Variants in CHST9 observed in about 807,000 individuals in gnomAD.
CHST9 encodes carbohydrate sulfotransferase 9.
Under a neutral mutation model 44.4 loss-of-function variants are expected in CHST9, and 41 were observed. The observed-to-expected ratio is 0.92, with a 90% CI of 0.72 to 1.20. The LOEUF (loss-of-function observed/expected upper bound fraction) is 1.20. Among genes scored for constraint, CHST9 ranks in the 50% most tolerant of loss-of-function variants. The pLI, the probability that CHST9 is intolerant of heterozygous loss-of-function variation, is 0.00. For missense variants in CHST9, 504 were observed against 516.5 expected (o/e 0.98, Z 0.23); for synonymous variants, 171 against 178.4 (o/e 0.96, Z 0.33).
chr18:26,934,369 G>T (rs1775410642), intron 5 of CHST9: 1 of 151,832 alleles, frequency 6.6e-6, no homozygotes, highest in African/African-American at 2.4e-5. Flanking sequence ...CGAGTAGCTG[G>T]GACTACAGGC....
At chr18:26,965,926 G>C (rs1307911272) in intron 4 of CHST9, among the ~76,000 whole-genome samples, 1 of 152,146 alleles carries the variant, frequency 6.6e-6, no homozygotes, top group African/African-American at 2.4e-5. Flanking sequence ...AAACCCTTTG[G>C]AACCCTGACT....
intron 3 of CHST9, among the ~76,000 whole-genome samples, chr18:27,042,798 CCT>C (rs200302790): frequency 6.6e-6 from 1 of 150,792 alleles, no homozygotes; most frequent in Non-Finnish European, 1.5e-5. Context: ...TCCCTCCCTC[CCT>C]CTCTCTCTCT....
At chr18:27,151,909 A>G (rs940582970) in intron 1 of CHST9, among the ~76,000 whole-genome samples, 5 of 152,232 alleles carry the variant, frequency 3.3e-5, no homozygotes, top group African/African-American at 1.2e-4. Flanking sequence ...ATAATCTGTT[A>G]TAGCAGCAAA....
At chr18:27,038,840 T>C (rs2057416484) in intron 3 of CHST9, among the ~76,000 whole-genome samples, 1 of 152,192 alleles carries the variant, frequency 6.6e-6, no homozygotes, top group Admixed American at 6.5e-5. Flanking sequence ...ATCTAATGAA[T>C]AATTTCTTAT....
intron 2 of CHST9, among the ~76,000 whole-genome samples, chr18:27,055,804 G>A (rs560768717): frequency 3.3e-5 from 5 of 152,166 alleles, no homozygotes; most frequent in South Asian, 4.2e-4. Flanking sequence ...ATAACAAAAG[G>A]AACACGGATT....
intron 2 of CHST9, among the ~76,000 whole-genome samples, chr18:27,095,328 G>A (rs539989558): frequency 5.3e-5 from 8 of 152,138 alleles, no homozygotes; most frequent in Middle Eastern, 3.4e-3. Context: ...TGATGCTACC[G>A]TAAAGACACA....
At chr18:27,044,861 ATCCTGAATGACTGCATGT>A (rs1043084231) in intron 3 of CHST9, among the ~76,000 whole-genome samples, 2 of 151,908 alleles carry the variant, frequency 1.3e-5, no homozygotes, top group African/African-American at 4.8e-5. Flanking sequence ...TATTTTTTTT[ATCCTGAATGACTGCATGT>A]TCAACGTGTG....
Position 26,975,723 on chromosome 18 carries a change from G to GTATA in CHST9, c.203-31358_203-31357insTATA, listed in dbSNP as rs1180630852. ...TATGTGTATATATGTGTGTGTGTGT[G>GTATA]TGTATATATATATATATATATATAT... is the stretch of plus-strand genomic sequence containing the variant. On this transcript the variant is annotated intron_variant, in intron 4 of 5. Coordinates refer to ENST00000618847, the MANE Select transcript of CHST9 (RefSeq NM_031422.6). Among the ~76,000 whole-genome samples, 388 of 59,186 alleles carry GTATA rather than the reference G, an allele frequency of 6.6e-3. 1 individual carries two copies. Among genetic ancestry groups the GTATA allele is most frequent in the Middle Eastern group, 0.018 (2 of 114 alleles). 38.8% of individuals were successfully genotyped at this position (59,186 alleles called of 152,430 possible). A position where few individuals can be genotyped will look rare whatever the true frequency, so the allele number is the denominator to read the frequency against.
chr18:27,080,961 T>G, intron 2 of CHST9, among the ~76,000 whole-genome samples: 1 of 151,910 alleles, frequency 6.6e-6, no homozygotes, highest in East Asian at 1.9e-4. Context: ...AGAAGAAAAA[T>G]CAGAGTTATG....
At chr18:26,987,512 C>T (rs1409629658) in intron 4 of CHST9, among the ~76,000 whole-genome samples, 1 of 151,810 alleles carries the variant, frequency 6.6e-6, no homozygotes, top group Non-Finnish European at 1.5e-5. Context: ...ATTGACTAAG[C>T]AAAAATAATA....
chr18:27,092,499 G>A (rs2143721247), intron 2 of CHST9, among the ~76,000 whole-genome samples: 1 of 152,136 alleles, frequency 6.6e-6, no homozygotes. Flanking sequence ...TTTTGAATGT[G>A]TTTGCGCTTG....
chr18:27,080,333 CCTCTT>C (rs1421034776), intron 2 of CHST9, among the ~76,000 whole-genome samples: 1 of 151,802 alleles, frequency 6.6e-6, no homozygotes, highest in Non-Finnish European at 1.5e-5. Flanking sequence ...GCCATTTCCT[CCTCTT>C]CTACTTGGTT....
At chr18:27,062,831 T>C (rs1002557690) in intron 2 of CHST9, among the ~76,000 whole-genome samples, 37 of 152,360 alleles carry the variant, frequency 2.4e-4, no homozygotes, top group African/African-American at 7.7e-4. Context: ...TGTTGTTTCC[T>C]GACTTTTTAA....
chr18:27,164,131 G>C (rs949767007), intron 1 of CHST9, among the ~76,000 whole-genome samples: 9 of 152,206 alleles, frequency 5.9e-5, no homozygotes, highest in African/African-American at 2.2e-4. Context: ...AAGAGGGAAG[G>C]CAAGAGAGAA....
intron 2 of CHST9, among the ~76,000 whole-genome samples, chr18:27,079,448 GA>G (rs2057939730): frequency 6.6e-6 from 1 of 152,012 alleles, no homozygotes; most frequent in African/African-American, 2.4e-5. Context: ...CCTCTTTGAT[GA>G]TATAATATTT....
intron 2 of CHST9, among the ~76,000 whole-genome samples, chr18:27,129,808 G>C (rs892554752): frequency 3.9e-5 from 6 of 152,080 alleles, no homozygotes; most frequent in Admixed American, 1.3e-4. Flanking sequence ...TGGTACAGTA[G>C]TAAGTTCTCA....
intron 5 of CHST9, among the ~76,000 whole-genome samples, chr18:26,930,051 T>C (rs2055848936): frequency 2.0e-5 from 3 of 152,232 alleles, no homozygotes; most frequent in African/African-American, 4.8e-5. Context: ...CCAGATCAGA[T>C]TGGCCTGTGT....
At chr18:27,158,584 T>C (rs2058717520) in intron 1 of CHST9, among the ~76,000 whole-genome samples, 1 of 152,168 alleles carries the variant, frequency 6.6e-6, no homozygotes, top group South Asian at 2.1e-4. Context: ...CGTGTCTTTA[T>C]AGCAGCATGA....
chr18:27,026,441 T>A (rs1489532118), intron 3 of CHST9, among the ~76,000 whole-genome samples: 1 of 152,196 alleles, frequency 6.6e-6, no homozygotes, highest in Non-Finnish European at 1.5e-5. Context: ...AAGCATCGAT[T>A]AAATGATAGG....
Sources: gnomAD v4.1 joint callset for allele counts (sites outside exome capture counted in the v4.1 genomes callset) on GRCh38, gnomAD v4.1.1 for gene constraint, MANE v1.5 for transcripts, NCBI Gene and HGNC (gene_info 2026-07-23, HGNC 2026-07-21) for gene names.